The following COL27A1 variants were observed in gnomAD, a reference collection of about 807,000 sequenced individuals.
COL27A1 encodes collagen type XXVII alpha 1 chain, also known as collagen alpha-1(XXVII) chain.
COL27A1 carries 106 observed loss-of-function variants against 251.3 expected under a neutral mutation model. That is an observed-to-expected ratio of 0.42 (90% CI 0.36 to 0.50). The LOEUF (loss-of-function observed/expected upper bound fraction) is 0.50. Ranked by LOEUF, COL27A1 falls within the 20% of genes least tolerant of loss-of-function variation. The probability of loss-of-function intolerance (pLI) is 0.00; values close to 1 mark genes in which losing one functional copy is unlikely to be tolerated. For synonymous variants in COL27A1, 1,000 were observed against 986.3 expected (o/e 1.01, Z -0.26); for missense variants, 2,325 against 2,522.8 (o/e 0.92, Z 1.68).
Position 114,306,549 on chromosome 9 carries a change from G to A in COL27A1, c.4968G>A (p.Leu1656=), listed in dbSNP as rs138859831. The A allele has an allele frequency of 1.8e-5, 29 of 1,613,850 alleles. No homozygotes were observed. In the African/African-American group the frequency reaches 2.9e-4, roughly 16 times the overall value. The change falls in exon 58 of 61, where the codon CTG becomes CTA. Residue 1656 remains leucine, a synonymous_variant. Coordinates refer to ENST00000356083, the MANE Select transcript of COL27A1 (RefSeq NM_032888.4). ...ESYSYPDRLV[L]DQGGEIFKTL... ...ACAGCTATCCAGACCGGCTGGTGCTGGACCAGGGAGGAGAGATCTTTAAAA... is the reference window on the plus strand; with the variant it reads ...ACAGCTATCCAGACCGGCTGGTGCTAGACCAGGGAGGAGAGATCTTTAAAA...
intron 35 of COL27A1, 90 bp downstream of exon 35, chr9:114,269,384 C>A: frequency 1.3e-6 from 1 of 786,734 alleles, no homozygotes; most frequent in South Asian, 1.8e-5. Context: ...TCTCCCTAAG[C>A]CTCAGTTTCC....
chr9:114,188,706 G>T (rs1828552986), intron 5 of COL27A1, among the ~76,000 whole-genome samples: 1 of 152,126 alleles, frequency 6.6e-6, no homozygotes, highest in Admixed American at 6.6e-5. Flanking sequence ...GTGCTTAGCT[G>T]TTATTTTATT....
intron 12 of COL27A1, among the ~76,000 whole-genome samples, chr9:114,215,208 C>T (rs1168739201): frequency 6.6e-6 from 1 of 152,266 alleles, no homozygotes; most frequent in East Asian, 1.9e-4. Context: ...GCGCAGTCCT[C>T]TGGGAGGAGG....
intron 1 of COL27A1, 69 bp downstream of exon 1, chr9:114,156,081 TC>T: frequency 7.8e-7 from 1 of 1,290,046 alleles, no homozygotes; most frequent in Non-Finnish European, 9.9e-7. Flanking sequence ...GGGCCGGGGT[TC>T]CCCGCCATGC....
chr9:114,156,533 G>A (rs1848132528), intron 1 of COL27A1, among the ~76,000 whole-genome samples: 1 of 152,118 alleles, frequency 6.6e-6, no homozygotes, highest in Non-Finnish European at 1.5e-5. Flanking sequence ...CCGCGTTTCT[G>A]GAAATCTCCG....
intron 17 of COL27A1, 30 bp downstream of exon 17, chr9:114,235,682 G>C (rs1371423352): frequency 6.6e-7 from 1 of 1,511,188 alleles, no homozygotes. Context: ...CCCTCCCCCT[G>C]CCCCTGCCCC....
chr9:114,310,873 T>A lies in COL27A1; in HGVS notation c.*178T>A, dbSNP rs1829399041. On this transcript the variant is annotated 3_prime_UTR_variant, in exon 61 of 61. Transcript: ENST00000356083. ...GGTGGGGGTAGGAGGGGATAGGGTG[T>A]CCTTGGGAACAATGGATCCCAGCTT... 1 of 585,244 alleles carries A rather than the reference T, an allele frequency of 1.7e-6. No homozygotes were observed. The highest frequency in any genetic ancestry group is 3.1e-5 in the Admixed American group (1 of 31,832). 36.3% of individuals were successfully genotyped at this position (585,244 alleles called of 1,614,324 possible).
chr9:114,214,035 C>T (rs1009505858), intron 12 of COL27A1, among the ~76,000 whole-genome samples: 9 of 152,152 alleles, frequency 5.9e-5, no homozygotes, highest in South Asian at 4.1e-4. Flanking sequence ...AGCAAATCGG[C>T]GAGATCTGCA....
chr9:114,155,372 G>C (rs1848056741), upstream of COL27A1, among the ~76,000 whole-genome samples: 3 of 152,084 alleles, frequency 2.0e-5, no homozygotes, highest in Non-Finnish European at 4.4e-5. This position sits in a 1 kb window ranked among gnomAD's most constrained non-coding sequence, Gnocchi z 5.5. Context: ...GAGGGGGGCG[G>C]GTGTCCCATC....
At chr9:114,181,822 C>T (rs1310653849) in intron 4 of COL27A1, among the ~76,000 whole-genome samples, 1 of 152,216 alleles carries the variant, frequency 6.6e-6, no homozygotes, top group Non-Finnish European at 1.5e-5. Context: ...GGACCCTGAT[C>T]TCACTTGGCC....
At chr9:114,277,505 T>G (rs1305349795) in intron 37 of COL27A1, among the ~76,000 whole-genome samples, 5 of 152,176 alleles carry the variant, frequency 3.3e-5, no homozygotes, top group Non-Finnish European at 7.3e-5. Flanking sequence ...CTAGGACAGA[T>G]CCAAGTTAGC....
chr9:114,245,543 A>G (rs760652350), intron 23 of COL27A1, among the ~76,000 whole-genome samples: 1 of 151,930 alleles, frequency 6.6e-6, no homozygotes, highest in Non-Finnish European at 1.5e-5. Flanking sequence ...AGGTCACTTC[A>G]CCTCTCTGGG....
At chr9:114,245,947 T>A (rs1268276872) in intron 24 of COL27A1, 37 bp downstream of exon 24, 3 of 1,589,910 alleles carry the variant, frequency 1.9e-6, no homozygotes. Context: ...GTGGCTCCAT[T>A]TATTGGGCCC....
intron 24 of COL27A1, 55 bp from the exon 25 acceptor site, chr9:114,250,560 G>A (rs1306461299): frequency 6.5e-6 from 10 of 1,539,104 alleles, no homozygotes; most frequent in African/African-American, 2.7e-5. Flanking sequence ...GGAGCGGGAG[G>A]GCTGGGTCCC....
At position 114,162,789 on chromosome 9, in the gene COL27A1, A is replaced by G; in HGVS notation, c.133+4A>G. The G allele has an allele frequency of 6.2e-7, 1 of 1,607,828 alleles. No individual in the cohort carries two copies. Among genetic ancestry groups the G allele is most frequent in the Non-Finnish European group, 8.5e-7 (1 of 1,175,016 alleles). ...TCCACCCAAGGAGCTCCTGAAGGTAATTCTCTCTTCTCTTTGTCCAGGGGG... is the reference window on the plus strand; with the variant it reads ...TCCACCCAAGGAGCTCCTGAAGGTAGTTCTCTCTTCTCTTTGTCCAGGGGG... On this transcript the variant is annotated splice_donor_region_variant and intron_variant, in intron 2 of 60. Coordinates refer to ENST00000356083, the MANE Select transcript of COL27A1 (RefSeq NM_032888.4).
chr9:114,266,660 G>T (rs543210425), intron 33 of COL27A1, 42 bp downstream of exon 33: 4 of 1,552,974 alleles, frequency 2.6e-6, no homozygotes, highest in Non-Finnish European at 3.6e-6. Context: ...ATGCTGCTGG[G>T]GATGTATCAG....
At chr9:114,286,906 G>A (rs970737666) in intron 41 of COL27A1, among the ~76,000 whole-genome samples, 1 of 152,080 alleles carries the variant, frequency 6.6e-6, no homozygotes, top group Non-Finnish European at 1.5e-5. Context: ...TAGTCCCAGC[G>A]GCATAGTTAC....
At chr9:114,252,509 C>T in intron 25 of COL27A1, 84 bp from the exon 26 acceptor site, 8 of 1,168,898 alleles carry the variant, frequency 6.8e-6, no homozygotes, top group Non-Finnish European at 1.0e-5. Context: ...CTTTGAGCCT[C>T]TGGATGGCCC....
In COL27A1 at chr9:114,290,947, C is replaced by T; in HGVS notation, c.4476+30C>T. On this transcript the variant is annotated intron_variant, in intron 48 of 60. Transcript: ENST00000356083. This position sits in a 1 kb window ranked among gnomAD's most constrained non-coding sequence, Gnocchi z 4.6. ...GATACCTCTTAATACACTTACCCAC[C>T]CTCTGCCCTTTCTGCCTTGATGCAG... 6.7e-7 allele frequency: 1 copy of T among 1,489,334 alleles called. No homozygotes were observed. Among genetic ancestry groups the T allele is most frequent in the Non-Finnish European group, 9.1e-7 (1 of 1,094,660 alleles). 92.3% of individuals were successfully genotyped at this position (1,489,334 alleles called of 1,614,324 possible). A position where few individuals can be genotyped will look rare whatever the true frequency, so the allele number is the denominator to read the frequency against.
Sources: gnomAD v4.1 joint callset for allele counts (sites outside exome capture counted in the v4.1 genomes callset) on GRCh38, gnomAD v4.1.1 for gene constraint, Gnocchi (gnomAD v3.1) non-coding constraint, MANE v1.5 for transcripts, NCBI Gene and HGNC (gene_info 2026-07-23, HGNC 2026-07-21) for gene names.